Variants in ADAM12 observed in about 807,000 individuals in gnomAD.
ADAM12 encodes ADAM metallopeptidase domain 12, also known as disintegrin and metalloproteinase domain-containing protein 12.
Under a neutral mutation model 106.4 loss-of-function variants are expected in ADAM12, and 70 were observed. The observed-to-expected ratio is 0.66, with a 90% CI of 0.54 to 0.80. The LOEUF is 0.80. ADAM12 is among the 30% of genes least tolerant of loss of function. The pLI, the probability that ADAM12 is intolerant of heterozygous loss-of-function variation, is 0.00. For synonymous variants in ADAM12, 420 were observed against 433.5 expected, an observed-to-expected ratio of 0.97 and a Z score of 0.39; for missense variants, 1,010 against 1,171.9, an observed-to-expected ratio of 0.86 and a Z score of 2.02.
chr10:126,089,220 C>T (rs1317156196), intron 11 of ADAM12, among the ~76,000 whole-genome samples: 1 of 152,126 alleles, frequency 6.6e-6, no homozygotes, highest in African/African-American at 2.4e-5. Context: ...GAATGTGCTC[C>T]TTGGTGGCTC....
intron 3 of ADAM12, among the ~76,000 whole-genome samples, chr10:126,216,764 A>G (rs1322918651): frequency 2.6e-5 from 4 of 152,224 alleles, no homozygotes; most frequent in African/African-American, 9.6e-5. Context: ...CCTGCCTGGA[A>G]CTTAGCCAGG....
intron 10 of ADAM12, among the ~76,000 whole-genome samples, chr10:126,095,378 C>CA (rs1248911912): frequency 6.6e-6 from 1 of 151,560 alleles, no homozygotes; most frequent in Admixed American, 6.6e-5. Context: ...ACTAAAAATA[C>CA]AAAAAACTAG....
chr10:126,331,494 C>T (rs1251127313), intron 1 of ADAM12, among the ~76,000 whole-genome samples: 1 of 152,190 alleles, frequency 6.6e-6, no homozygotes, highest in Admixed American at 6.5e-5. Context: ...TAAATCCACA[C>T]CATTTTATCA....
intron 3 of ADAM12, among the ~76,000 whole-genome samples, chr10:126,273,844 C>T (rs1959194514): frequency 6.6e-6 from 1 of 152,168 alleles, no homozygotes; most frequent in Non-Finnish European, 1.5e-5. Flanking sequence ...AATCTTCCTG[C>T]ATTGACTGGA....
At position 126,076,488 on chromosome 10, in the gene ADAM12, G is replaced by A. The variant is rs548022655; in HGVS notation, c.1146-4834C>T. 2.6e-5 allele frequency among the ~76,000 whole-genome samples: 4 copies of A among 152,290 alleles called. No homozygotes were observed. In the East Asian group the frequency reaches 7.7e-4, roughly 29 times the overall value. On this transcript the variant is annotated intron_variant, in intron 11 of 22. Coordinates refer to ENST00000448723, the MANE Select transcript of ADAM12 (RefSeq NM_001288973.2). Reference sequence around the variant, plus strand: ...TCTGTTTTAAGTTCTTCGAGAAACTGCCAAACTGCTTTCCACAGTGGCTAG... The same window carrying A: ...TCTGTTTTAAGTTCTTCGAGAAACTACCAAACTGCTTTCCACAGTGGCTAG...
intron 3 of ADAM12, among the ~76,000 whole-genome samples, chr10:126,255,546 G>A (rs1301309386): frequency 6.6e-6 from 1 of 152,180 alleles, no homozygotes; most frequent in Admixed American, 6.5e-5. Flanking sequence ...TTTGTAAAAA[G>A]CAAACAGCAA....
chr10:126,235,515 C>T (rs1166576352), intron 3 of ADAM12, among the ~76,000 whole-genome samples: 3 of 152,142 alleles, frequency 2.0e-5, no homozygotes, highest in Non-Finnish European at 1.5e-5. Flanking sequence ...TGGCCTTCCT[C>T]GAGGGACTTG....
At chr10:126,361,857 C>T (rs1855756229) in intron 1 of ADAM12, among the ~76,000 whole-genome samples, 1 of 152,032 alleles carries the variant, frequency 6.6e-6, no homozygotes, top group African/African-American at 2.4e-5. Context: ...AGAAAATCTA[C>T]ATGATGTTGG....
chr10:126,209,607 A>G (rs1398742600), intron 3 of ADAM12, among the ~76,000 whole-genome samples: 1 of 152,202 alleles, frequency 6.6e-6, no homozygotes, highest in East Asian at 1.9e-4. Flanking sequence ...GTTTAGGGCA[A>G]TGATCACATG....
chr10:126,023,385 G>A (rs7903385), intron 21 of ADAM12, among the ~76,000 whole-genome samples: 34,469 of 152,002 alleles, frequency 0.23, 4,510 homozygotes, highest in East Asian at 0.33. Context: ...TTAAGTCTAA[G>A]TGAAAGCAGC....
At chr10:126,136,348 A>G (rs1169252230) in intron 4 of ADAM12, among the ~76,000 whole-genome samples, 1 of 152,212 alleles carries the variant, frequency 6.6e-6, no homozygotes, top group African/African-American at 2.4e-5. Context: ...TAATTTTATC[A>G]TCGAGCAAAG....
At position 126,285,975 on chromosome 10, in the gene ADAM12, ATTTTT is replaced by A. The variant is rs55733951; in HGVS notation, c.187-6992_187-6988del. Among the ~76,000 whole-genome samples, 971 of 142,154 alleles carry A rather than the reference ATTTTT, an allele frequency of 6.8e-3. 1 individual carries two copies. The highest frequency in any genetic ancestry group is 0.019 in the Middle Eastern group (5 of 270). 93.3% of individuals were successfully genotyped at this position (142,154 alleles called of 152,430 possible). ...ATTGGCTGATTAGATTGATTTCCCT[ATTTTT>A]TTTTTTTTTTTTTTGGTGCTATCCA... On this transcript the variant is annotated intron_variant, in intron 2 of 22. Transcript: ENST00000448723.
At chr10:126,174,194 C>G (rs1277998503) in intron 3 of ADAM12, among the ~76,000 whole-genome samples, 2 of 151,306 alleles carry the variant, frequency 1.3e-5, no homozygotes, top group Non-Finnish European at 2.9e-5. Context: ...CCTCCCCCTT[C>G]CCCCCACTGC....
chr10:126,339,042 G>T (rs562005771), intron 1 of ADAM12, among the ~76,000 whole-genome samples: 12 of 152,222 alleles, frequency 7.9e-5, no homozygotes, highest in Admixed American at 7.9e-4. Context: ...ACCAACTTGG[G>T]CAGCACTCTG....
intron 6 of ADAM12, among the ~76,000 whole-genome samples, chr10:126,110,900 G>A (rs529880574): frequency 1.3e-5 from 2 of 152,320 alleles, no homozygotes; most frequent in South Asian, 2.1e-4. Context: ...CCTGATGACT[G>A]ATATTGCTGG....
At chr10:126,250,483 G>T (rs879743085) in intron 3 of ADAM12, among the ~76,000 whole-genome samples, 3 of 152,106 alleles carry the variant, frequency 2.0e-5, no homozygotes, top group Non-Finnish European at 4.4e-5. Context: ...CTCGTTTATC[G>T]TATCTTAAGT....
In ADAM12 at chr10:126,209,934, G is replaced by T. The variant is rs114730586; in HGVS notation, c.261-54629C>A. On this transcript the variant is annotated intron_variant, in intron 3 of 22. Transcript: ENST00000448723. ...GCACACAACTTCACTGGGAACAGGC[G>T]ACTGCTGATCACTCCTCATGTGTAA... 3.0e-3 allele frequency among the ~76,000 whole-genome samples: 454 copies of T among 152,284 alleles called. 1 individual carries two copies. Among genetic ancestry groups the T allele is most frequent in the African/African-American group, 0.01 (421 of 41,566 alleles).
intron 11 of ADAM12, among the ~76,000 whole-genome samples, chr10:126,073,925 T>C (rs1335494456): frequency 2.6e-5 from 4 of 152,234 alleles, no homozygotes; most frequent in Non-Finnish European, 5.9e-5. Context: ...AAGGGTATTA[T>C]ATTGAAGTAA....
At chr10:126,284,749 CTT>C (rs1959765435) in intron 2 of ADAM12, among the ~76,000 whole-genome samples, 1 of 152,188 alleles carries the variant, frequency 6.6e-6, no homozygotes, top group Non-Finnish European at 1.5e-5. Context: ...TGACCCATCT[CTT>C]CTCTGCAGCT....
Sources: gnomAD v4.1 joint callset for allele counts (sites outside exome capture counted in the v4.1 genomes callset) on GRCh38, gnomAD v4.1.1 for gene constraint, MANE v1.5 for transcripts, NCBI Gene and HGNC (gene_info 2026-07-23, HGNC 2026-07-21) for gene names.